NREP: variants seen among roughly 807,000 people sequenced by gnomAD.
The protein encoded by NREP is neuronal regeneration related protein.
Under a neutral mutation model 8.6 loss-of-function variants are expected in NREP, and 5 were observed. The ratio of observed to expected loss-of-function variants is 0.58; its 90% CI spans 0.30 to 1.22. NREP has a LOEUF of 1.22. Among genes scored for constraint, NREP ranks in the 50% most tolerant of loss-of-function variants. NREP has a pLI of 0.07. For missense variants in NREP, 86 were observed against 82.5 expected (o/e 1.04, Z -0.17); for synonymous variants, 27 against 28.0 (o/e 0.96, Z 0.11).
At chr5:111,973,794 G>C (rs1756887849) in intron 2 of NREP, among the ~76,000 whole-genome samples, 1 of 152,064 alleles carries the variant, frequency 6.6e-6, no homozygotes, top group Admixed American at 6.5e-5. Context: ...ACTACATTTT[G>C]AGTCCATTTG....
At chr5:111,761,807 T>C (rs145807726), upstream of NREP, among the ~76,000 whole-genome samples, 17 of 152,288 alleles carry the variant, frequency 1.1e-4, no homozygotes, top group African/African-American at 4.1e-4. Flanking sequence ...GATCTGATAA[T>C]GGGCTAATAA....
Position 111,965,891 on chromosome 5 carries a change from T to TA in NREP, c.135+9382dup, listed in dbSNP as rs543065804. ...CTCCTAAGTAGGACCAGTTATTCTT[T>TA]AAAAAAAAAATCAAAGTTCAGTAAA... On this transcript the variant is annotated intron_variant, in intron 2 of 3. Transcript: ENST00000395634. Among the ~76,000 whole-genome samples the TA allele has an allele frequency of 2.4e-3, 354 of 150,352 alleles. 1 individual carries two copies. The highest frequency in any genetic ancestry group is 7.6e-3 in the African/African-American group (312 of 41,020).
chr5:111,827,021 T>C (rs1183489853), intron 2 of NREP, among the ~76,000 whole-genome samples: 1 of 152,200 alleles, frequency 6.6e-6, no homozygotes, highest in African/African-American at 2.4e-5. Context: ...TGGGGTAAAA[T>C]TGGCAAATAG....
chr5:111,938,139 T>C (rs1161040726), intron 2 of NREP, among the ~76,000 whole-genome samples: 1 of 152,056 alleles, frequency 6.6e-6, no homozygotes, highest in Non-Finnish European at 1.5e-5. Context: ...TGAGTTCTCA[T>C]AGTAACACAC....
intron 2 of NREP, among the ~76,000 whole-genome samples, chr5:111,874,038 A>G (rs1295746207): frequency 6.9e-6 from 1 of 144,482 alleles, no homozygotes; most frequent in Non-Finnish European, 1.5e-5. Context: ...GAATGTTCCC[A>G]GGGACGGGAG....
chr5:111,781,803 G>A (rs911705980), intron 2 of NREP, among the ~76,000 whole-genome samples: 3 of 152,130 alleles, frequency 2.0e-5, no homozygotes, highest in African/African-American at 7.2e-5. Flanking sequence ...TAGCCTGAAA[G>A]ACAAAGGCTA....
chr5:111,928,000 AGAAATCTGTGTGAG>A (rs2112592581), intron 2 of NREP, among the ~76,000 whole-genome samples: 1 of 152,262 alleles, frequency 6.6e-6, no homozygotes, highest in South Asian at 2.1e-4. Flanking sequence ...ATTGGCAGCC[AGAAATCTGTGTGAG>A]GAAAAATCCT....
intron 2 of NREP, among the ~76,000 whole-genome samples, chr5:111,861,557 G>A (rs1427463388): frequency 1.3e-5 from 2 of 152,112 alleles, no homozygotes; most frequent in Non-Finnish European, 2.9e-5. Flanking sequence ...ATATTTGATA[G>A]CAGAAGGAGC....
At chr5:111,741,302 A>C (rs1749637635) in intron 2 of NREP, among the ~76,000 whole-genome samples, 1 of 152,198 alleles carries the variant, frequency 6.6e-6, no homozygotes, top group South Asian at 2.1e-4. Context: ...TACATGTTTT[A>C]TTCTGCCTAA....
chr5:111,835,386 A>C (rs1054970292), intron 2 of NREP, among the ~76,000 whole-genome samples: 10 of 152,256 alleles, frequency 6.6e-5, no homozygotes, highest in Non-Finnish European at 1.3e-4. Flanking sequence ...GCCCACAAGG[A>C]TCTCGCAATC....
chr5:111,756,404 G>A (rs1394176828), intron 1 of NREP, among the ~76,000 whole-genome samples: 1 of 151,284 alleles, frequency 6.6e-6, no homozygotes, highest in Non-Finnish European at 1.5e-5. Flanking sequence ...ACATACTGCT[G>A]CAGTGATTTA....
chr5:111,856,570 C>A (rs961953371), intron 2 of NREP, among the ~76,000 whole-genome samples: 1 of 152,036 alleles, frequency 6.6e-6, no homozygotes, highest in African/African-American at 2.4e-5. Flanking sequence ...AATTCCAGAG[C>A]CCATGTTAGT....
At chr5:111,753,363 T>C (rs1258840515) in intron 2 of NREP, among the ~76,000 whole-genome samples, 1 of 147,720 alleles carries the variant, frequency 6.8e-6, no homozygotes, top group Non-Finnish European at 1.5e-5. Flanking sequence ...TGTATATATA[T>C]ATGATATGTA....
At chr5:111,833,373 A>G (rs1752819731) in intron 2 of NREP, among the ~76,000 whole-genome samples, 2 of 152,246 alleles carry the variant, frequency 1.3e-5, no homozygotes, top group Admixed American at 1.3e-4. Flanking sequence ...TTTAGCGCCA[A>G]AAGGCATTTA....
intron 2 of NREP, among the ~76,000 whole-genome samples, chr5:111,744,693 G>A (rs189064436): frequency 2.0e-5 from 3 of 152,212 alleles, no homozygotes; most frequent in South Asian, 2.1e-4. Flanking sequence ...GAAGACTGAA[G>A]GGAGGAGCTC....
chr5:111,944,672 T>C (rs1203313167), intron 2 of NREP, among the ~76,000 whole-genome samples: 1 of 152,124 alleles, frequency 6.6e-6, no homozygotes, highest in African/African-American at 2.4e-5. Flanking sequence ...CTTAACTTGA[T>C]TGGTTCTCTC....
At chr5:111,878,519 G>C (rs182984087) in intron 2 of NREP, among the ~76,000 whole-genome samples, 1 of 152,276 alleles carries the variant, frequency 6.6e-6, no homozygotes, top group East Asian at 1.9e-4. Context: ...TCTCTCCCTT[G>C]ACACGTGGGG....
At chr5:111,838,680 G>C (rs1192244170) in intron 2 of NREP, among the ~76,000 whole-genome samples, 1 of 151,872 alleles carries the variant, frequency 6.6e-6, no homozygotes, top group Non-Finnish European at 1.5e-5. Flanking sequence ...CAATTTTATA[G>C]ATTATTTCCT....
At chr5:111,812,571 G>A (rs1288979794) in intron 2 of NREP, among the ~76,000 whole-genome samples, 1 of 152,068 alleles carries the variant, frequency 6.6e-6, no homozygotes, top group East Asian at 1.9e-4. Context: ...TTTAAGCAAT[G>A]ACTTAGAAGT....
Sources: gnomAD v4.1 joint callset for allele counts (sites outside exome capture counted in the v4.1 genomes callset) on GRCh38, gnomAD v4.1.1 for gene constraint, MANE v1.5 for transcripts, NCBI Gene and HGNC (gene_info 2026-07-23, HGNC 2026-07-21) for gene names.